DNMBP: variants seen among roughly 807,000 people sequenced by gnomAD.
DNMBP encodes dynamin-binding protein.
In DNMBP, 87 loss-of-function variants were observed where a neutral mutation model predicts 150.0. The observed-to-expected ratio is 0.58, with a 90% CI of 0.49 to 0.69. DNMBP has a LOEUF of 0.69. Among genes scored for constraint, DNMBP ranks in the 30% least tolerant of loss-of-function variants. DNMBP has a pLI of 0.00. For missense variants in DNMBP, 1,774 were observed against 1,949.0 expected (o/e 0.91, Z 1.69); for synonymous variants, 711 against 750.4 (o/e 0.95, Z 0.86).
Position 99,892,124 on chromosome 10 carries a change from G to A in DNMBP, c.3156+2822C>T, listed in dbSNP as rs533357765. 1.0e-3 allele frequency among the ~76,000 whole-genome samples: 144 copies of A among 141,606 alleles called. 13 individuals are homozygous for A. Among genetic ancestry groups the A allele is most frequent in the African/African-American group, 4.0e-3 (136 of 34,420 alleles). 92.9% of individuals were successfully genotyped at this position (141,606 alleles called of 152,430 possible). ...TCTGCCCGGCCGCCCCTACTGGGACGTGAAGAGCCCCTCTGCCCGGCCAGC... is the reference window on the plus strand; with the variant it reads ...TCTGCCCGGCCGCCCCTACTGGGACATGAAGAGCCCCTCTGCCCGGCCAGC... On this transcript the variant is annotated intron_variant, in intron 11 of 16. Coordinates refer to ENST00000324109, the MANE Select transcript of DNMBP (RefSeq NM_015221.4).
rs529238054 is a variant in DNMBP, at chr10:99,891,072, G to C, written c.3157-2119C>G. Among the ~76,000 whole-genome samples, 6 of 113,610 alleles carry C rather than the reference G, an allele frequency of 5.3e-5. No individual in the cohort carries two copies. In the East Asian group the frequency reaches 1.2e-3, roughly 23 times the overall value. 74.5% of individuals were successfully genotyped at this position (113,610 alleles called of 152,430 possible). Reference sequence around the variant, plus strand: ...TTCAAACCTGATTTACTAAAGTCCAGACAGAGCAATGATTTAATCTTAAAA... The same window carrying C: ...TTCAAACCTGATTTACTAAAGTCCACACAGAGCAATGATTTAATCTTAAAA... On this transcript the variant is annotated intron_variant, in intron 11 of 16. Transcript: ENST00000324109.
intron 1 of DNMBP, among the ~76,000 whole-genome samples, chr10:100,000,861 A>C (rs1198198087): frequency 1.9e-5 from 2 of 107,372 alleles, no homozygotes; most frequent in African/African-American, 1.1e-4. Flanking sequence ...TGTTATGGCA[A>C]AAAAAAAAAA....
intron 10 of DNMBP, 104 bp from the exon 11 acceptor site, chr10:99,895,154 T>C: frequency 3.1e-6 from 2 of 648,646 alleles, no homozygotes; most frequent in Non-Finnish European, 2.6e-6. Context: ...GAGACGGAGT[T>C]TTGCTCTTGT....
At chr10:99,914,482 T>G (rs1403119558) in intron 4 of DNMBP, among the ~76,000 whole-genome samples, 2 of 151,992 alleles carry the variant, frequency 1.3e-5, no homozygotes, top group African/African-American at 2.4e-5. Flanking sequence ...ATGCAGTCTT[T>G]CACCCACAGC....
chr10:99,891,745 C>A (rs1348495162), intron 11 of DNMBP, among the ~76,000 whole-genome samples: 2 of 113,468 alleles, frequency 1.8e-5, no homozygotes, highest in African/African-American at 9.9e-5. Flanking sequence ...TCTTCCCGGC[C>A]GCCATCACAT....
rs1436324025 is a variant in DNMBP at position 99,932,610 on chromosome 10, AG to A, written c.2260+22603del. On this transcript the variant is annotated intron_variant, in intron 4 of 16. Coordinates refer to ENST00000324109, the MANE Select transcript of DNMBP (RefSeq NM_015221.4). ...GAGTCCGTGAGGAACCCAGGACTGC[AG>A]TCAGACTGCTCATATCCGATTCTAA... 7.3e-5 allele frequency among the ~76,000 whole-genome samples: 11 copies of A among 150,026 alleles called. No homozygotes were observed. In the Admixed American group the frequency reaches 7.4e-4, roughly 10 times the overall value.
rs189130499 is a variant in DNMBP, at chr10:99,938,944, C to T, written c.2260+16270G>A. On this transcript the variant is annotated intron_variant, in intron 4 of 16. Transcript: ENST00000324109. ...CAGCAGTCCTGAAGCACCACCTCAC[C>T]GTGATGTTTGCTATTTGCTCCTAGT... Among the ~76,000 whole-genome samples the T allele has an allele frequency of 1.2e-3, 178 of 152,226 alleles. 1 individual carries two copies. Among genetic ancestry groups the T allele is most frequent in the Admixed American group, 9.8e-4 (15 of 15,294 alleles).
At chr10:99,994,757 G>A (rs1180602778) in intron 1 of DNMBP, among the ~76,000 whole-genome samples, 1 of 152,170 alleles carries the variant, frequency 6.6e-6, no homozygotes. Flanking sequence ...TGTACTTCTA[G>A]GAAAAACATT....
intron 1 of DNMBP, among the ~76,000 whole-genome samples, chr10:99,992,597 GCT>G (rs1650799371): frequency 6.7e-6 from 1 of 150,194 alleles, no homozygotes; most frequent in South Asian, 2.1e-4. Flanking sequence ...CGTGATCTCG[GCT>G]CACTGCAAGC....
rs1489019750 is a variant in DNMBP, at chr10:99,956,612, T to C, written c.862A>G (p.Arg288Gly). Residue 288 changes from arginine (R) to glycine (G), a missense_variant, in exon 4 of 17, where the codon AGG becomes GGG. Physicochemically the swap from Arg to Gly is moderately radical, Grantham distance 125. Transcript: ENST00000324109. ...AACCGGTAAGGAAAGATGCCTGTCCTGCCCTTCAGGGATCCTTCCAGCCAG... is the reference window on the plus strand; with the variant it reads ...AACCGGTAAGGAAAGATGCCTGTCCCGCCCTTCAGGGATCCTTCCAGCCAG... ...DGWLEGSLKG[R>G]TGIFPYRFVK... is the part of the protein sequence containing the mutation. 7.4e-6 allele frequency: 12 copies of C among 1,614,056 alleles called. No homozygotes were observed. Among genetic ancestry groups the C allele is most frequent in the African/African-American group, 1.3e-5 (1 of 74,906 alleles).
intron 4 of DNMBP, among the ~76,000 whole-genome samples, chr10:99,951,826 T>C (rs1042823935): frequency 1.3e-5 from 2 of 152,030 alleles, no homozygotes; most frequent in Non-Finnish European, 2.9e-5. Flanking sequence ...CTGTGGACTT[T>C]TGAGTTAATG....
intron 11 of DNMBP, among the ~76,000 whole-genome samples, chr10:99,891,571 T>C (rs1461473041): frequency 6.6e-6 from 1 of 151,888 alleles, no homozygotes; most frequent in East Asian, 1.9e-4. Flanking sequence ...AGTGCCGAGA[T>C]TGCAGCCTCT....
At chr10:99,986,027 A>C (rs540011425) in intron 1 of DNMBP, among the ~76,000 whole-genome samples, 21 of 152,328 alleles carry the variant, frequency 1.4e-4, no homozygotes, top group African/African-American at 4.3e-4. Context: ...CTGGAATTAC[A>C]GGTGTGAGCC....
At chr10:99,994,397 G>A (rs749652278) in intron 1 of DNMBP, among the ~76,000 whole-genome samples, 9 of 152,176 alleles carry the variant, frequency 5.9e-5, no homozygotes, top group East Asian at 3.8e-4. Context: ...TGACAATGGC[G>A]GGTGATGACG....
At chr10:99,981,703 C>A (rs189751463) in intron 1 of DNMBP, among the ~76,000 whole-genome samples, 1 of 152,158 alleles carries the variant, frequency 6.6e-6, no homozygotes, top group Non-Finnish European at 1.5e-5. Flanking sequence ...CCTGTGTTCC[C>A]GGAGGCTGGC....
intron 1 of DNMBP, among the ~76,000 whole-genome samples, chr10:99,973,062 G>A (rs1227843153): frequency 1.3e-5 from 2 of 151,244 alleles, no homozygotes; most frequent in South Asian, 2.1e-4. Flanking sequence ...GATTACAGGC[G>A]TGAGCCACTG....
intron 1 of DNMBP, among the ~76,000 whole-genome samples, chr10:99,986,003 G>A (rs923940475): frequency 6.6e-6 from 1 of 152,066 alleles, no homozygotes; most frequent in African/African-American, 2.4e-5. Flanking sequence ...CGCCTGCCTC[G>A]CCCTCTTGAA....
At chr10:99,992,651 C>T (rs1050448169) in intron 1 of DNMBP, among the ~76,000 whole-genome samples, 1 of 151,086 alleles carries the variant, frequency 6.6e-6, no homozygotes, top group African/African-American at 2.4e-5. Context: ...CTTAGCCTCC[C>T]GAGTAGCTGG....
intron 4 of DNMBP, among the ~76,000 whole-genome samples, chr10:99,953,819 A>AAAAAAAAAAAAAAAAAAAG (rs1229016312): frequency 8.2e-5 from 11 of 133,528 alleles, no homozygotes; most frequent in African/African-American, 1.5e-4. Flanking sequence ...GTCTCAAAAA[A>AAAAAAAAAAAAAAAAAAAG]AAAAAGAAAA....
Sources: allele counts gnomAD v4.1 joint callset (sites outside exome capture counted in the v4.1 genomes callset), GRCh38; gene constraint gnomAD v4.1.1; transcripts MANE v1.5; gene names NCBI Gene and HGNC (gene_info 2026-07-23, HGNC 2026-07-21).